GRIK3: variants seen among roughly 807,000 people sequenced by gnomAD.
The protein encoded by GRIK3 is glutamate receptor ionotropic, kainate 3.
A neutral mutation model predicts 102.5 loss-of-function variants in GRIK3; 29 were observed. The ratio of observed to expected loss-of-function variants is 0.28; its 90% CI spans 0.21 to 0.39. GRIK3 has a LOEUF of 0.39. Ranked by LOEUF, GRIK3 falls within the 10% of genes least tolerant of loss-of-function variation. The pLI, the probability that GRIK3 is intolerant of heterozygous loss-of-function variation, is 1.00. For missense variants in GRIK3, 908 were observed against 1,252.4 expected (o/e 0.73, Z 4.15); for synonymous variants, 511 against 504.9 (o/e 1.01, Z -0.16).
chr1:36,913,744 C>T (rs1044790234), intron 1 of GRIK3, among the ~76,000 whole-genome samples: 1 of 152,188 alleles, frequency 6.6e-6, no homozygotes, highest in Non-Finnish European at 1.5e-5. Flanking sequence ...CTGGGAGGAG[C>T]TCTCCCAGGC....
At chr1:37,024,546 C>T (rs1319225742) in intron 1 of GRIK3, among the ~76,000 whole-genome samples, 1 of 150,984 alleles carries the variant, frequency 6.6e-6, no homozygotes, top group African/African-American at 2.4e-5. Context: ...GGAGTTCGAC[C>T]AGCCTGGCCA....
intron 10 of GRIK3, among the ~76,000 whole-genome samples, chr1:36,834,008 A>C (rs1186930150): frequency 2.6e-5 from 4 of 152,204 alleles, no homozygotes; most frequent in African/African-American, 9.6e-5. Flanking sequence ...AGGACCTGTC[A>C]GCCCAGGCCC....
intron 7 of GRIK3, among the ~76,000 whole-genome samples, chr1:36,856,439 C>T (rs904169865): frequency 3.9e-5 from 6 of 152,230 alleles, no homozygotes; most frequent in African/African-American, 7.2e-5. Context: ...ATGCTTCACA[C>T]GCTCTGAACT....
At chr1:36,854,067 G>T (rs1437096055) in intron 7 of GRIK3, among the ~76,000 whole-genome samples, 1 of 152,202 alleles carries the variant, frequency 6.6e-6, no homozygotes, top group Non-Finnish European at 1.5e-5. Flanking sequence ...TAGGGCAGGT[G>T]AGGCCTGCCA....
intron 1 of GRIK3, among the ~76,000 whole-genome samples, chr1:36,993,870 A>G (rs1299986550): frequency 6.6e-6 from 1 of 152,244 alleles, no homozygotes; most frequent in Non-Finnish European, 1.5e-5. Context: ...AGGGCAATAC[A>G]GCTGCAGAGC....
chr1:36,910,218 C>T (rs536307658), intron 1 of GRIK3, among the ~76,000 whole-genome samples: 16 of 152,332 alleles, frequency 1.1e-4, no homozygotes, highest in East Asian at 1.9e-4. Context: ...AAGACATTCA[C>T]GCTCCCAGCA....
At chr1:36,962,746 C>T (rs1642027761) in intron 1 of GRIK3, among the ~76,000 whole-genome samples, 1 of 150,736 alleles carries the variant, frequency 6.6e-6, no homozygotes, top group Non-Finnish European at 1.5e-5. Context: ...GGATAAAGAC[C>T]AATACAAACG....
Position 36,801,071 on chromosome 1 carries a change from T to C in GRIK3, c.*780A>G, listed in dbSNP as rs1642434895. The C allele has an allele frequency of 6.6e-6, 1 of 152,244 alleles. No homozygotes were observed. Among genetic ancestry groups the C allele is most frequent in the Non-Finnish European group, 1.5e-5 (1 of 68,042 alleles). 9.4% of individuals were successfully genotyped at this position (152,244 alleles called of 1,614,324 possible). A position where few individuals can be genotyped will look rare whatever the true frequency, so the allele number is the denominator to read the frequency against. The stretch of plus-strand genomic sequence containing the variant: ...GAGAAATTCAGGGGGTCCTCTCTCC[T>C]CTGGCTAGAAAGTGGAGAAGAATTT... On this transcript the variant is annotated 3_prime_UTR_variant, in exon 16 of 16. Transcript: ENST00000373091.
At chr1:36,937,755 A>G (rs543908465) in intron 1 of GRIK3, among the ~76,000 whole-genome samples, 2 of 152,246 alleles carry the variant, frequency 1.3e-5, no homozygotes, top group African/African-American at 4.8e-5. Context: ...CTTCAGGTTT[A>G]TAATGAACAA....
rs35781786 is a variant in GRIK3 at position 36,973,586 on chromosome 1, A to ATTT, written c.115+60405_115+60407dup. On this transcript the variant is annotated intron_variant, in intron 1 of 15. Transcript: ENST00000373091. Reference sequence around the variant, plus strand: ...AGGCATGCGCCACCACGCCCGGCTAATTTTTTTTTTTTTTGTATTTTTAAT... The same window carrying ATTT: ...AGGCATGCGCCACCACGCCCGGCTAATTTTTTTTTTTTTTTTTGTATTTTTAAT... 6.3e-3 allele frequency among the ~76,000 whole-genome samples: 895 copies of ATTT among 141,618 alleles called. 8 individuals are homozygous for ATTT. The highest frequency in any genetic ancestry group is 0.022 in the African/African-American group (839 of 37,852). The allele number at this position is 141,618 out of a possible 152,430, so 92.9% of individuals were successfully genotyped here.
chr1:36,900,222 A>T (rs1470296109), intron 1 of GRIK3, among the ~76,000 whole-genome samples: 1 of 152,220 alleles, frequency 6.6e-6, no homozygotes, highest in Non-Finnish European at 1.5e-5. Context: ...CGTGGAATTA[A>T]ACTAGAAATC....
chr1:36,805,075 A>G lies in GRIK3; in HGVS notation c.2477T>C (p.Ile826Thr). 3.1e-6 allele frequency: 5 copies of G among 1,614,202 alleles called. No homozygotes were observed. The highest frequency in any genetic ancestry group is 4.2e-6 in the Non-Finnish European group (5 of 1,180,032). The change falls in exon 15 of 16, where the codon ATT becomes ACT. Residue 826 changes from isoleucine (I) to threonine (T), a missense_variant. Ile to Thr is a moderately conservative substitution (Grantham distance 89). This residue lies in a region of GRIK3 where 297 missense variants were observed against 362.7 expected (regional missense o/e 0.82). Transcript: ENST00000373091. ...LGIQKIGGIF[I>T]VLAAGLVLSV... is the part of the protein sequence containing the mutation. ...GAGGACCAGCCCGGCGGCCAGGACA[A>G]TGAAGATGCCCCCGATCTTCTGGAT...
intron 1 of GRIK3, among the ~76,000 whole-genome samples, chr1:37,003,040 T>TC (rs1642494898): frequency 3.1e-5 from 1 of 31,972 alleles, no homozygotes; most frequent in Non-Finnish European, 7.4e-5. Context: ...TTTTTTTTTG[T>TC]CCCAGAGGTA....
chr1:36,819,569 G>A lies in GRIK3; in HGVS notation c.1873+167C>T, dbSNP rs1399628224. ...TGAAGGTGGAAGTTAGGGGTCTGGG[G>A]CAAGGGCACACACCTGGGTATCTCG... is the stretch of plus-strand genomic sequence containing the variant. On this transcript the variant is annotated intron_variant, in intron 12 of 15. Transcript: ENST00000373091. The surrounding 1 kb of genome is among the most constrained non-coding windows in gnomAD (Gnocchi z 4.1). Among the ~76,000 whole-genome samples, 3 of 152,206 alleles carry A rather than the reference G, an allele frequency of 2.0e-5. No individual in the cohort carries two copies.
rs1570731268 is a variant in GRIK3 at position 36,800,638 on chromosome 1, T to C, written c.*1213A>G. 1 of 152,240 alleles carries C rather than the reference T, an allele frequency of 6.6e-6. No homozygotes were observed. Among genetic ancestry groups the C allele is most frequent in the East Asian group, 1.9e-4 (1 of 5,194 alleles). The allele number at this position is 152,240 out of a possible 1,614,324, so 9.4% of individuals were successfully genotyped here. On this transcript the variant is annotated 3_prime_UTR_variant, in exon 16 of 16. Coordinates refer to ENST00000373091, the MANE Select transcript of GRIK3 (RefSeq NM_000831.4). ...CCCTTGGGGCCTCTGCCAGCTATGATATTATGTCCCTGGAAACTTTCTTTT... is the reference window on the plus strand; with the variant it reads ...CCCTTGGGGCCTCTGCCAGCTATGACATTATGTCCCTGGAAACTTTCTTTT...
chr1:36,940,420 C>T (rs933647117), intron 1 of GRIK3, among the ~76,000 whole-genome samples: 5 of 152,230 alleles, frequency 3.3e-5, no homozygotes, highest in African/African-American at 1.2e-4. Context: ...TAGGGACAGT[C>T]CTAGTTGATA....
At position 37,032,973 on chromosome 1, in the gene GRIK3, G is replaced by A. The variant is rs150702219; in HGVS notation, c.115+1021C>T. Among the ~76,000 whole-genome samples, 308 of 152,308 alleles carry A rather than the reference G, an allele frequency of 2.0e-3. 5 individuals carry two copies. In the East Asian group the frequency reaches 0.029, roughly 14 times the overall value. On this transcript the variant is annotated intron_variant, in intron 1 of 15. Transcript: ENST00000373091. ...TGGCTCGGCGGAGTCCGGCTCGCCT[G>A]GTGCCAGGCGCTGGTGCTGGCGCCG...
chr1:36,899,871 A>C (rs1041252090), intron 1 of GRIK3, among the ~76,000 whole-genome samples: 3 of 152,224 alleles, frequency 2.0e-5, no homozygotes, highest in Non-Finnish European at 4.4e-5. Flanking sequence ...AAGACGTAAC[A>C]ATCTTTAATG....
intron 1 of GRIK3, among the ~76,000 whole-genome samples, chr1:36,987,218 T>A (rs952085690): frequency 2.6e-5 from 4 of 151,140 alleles, no homozygotes; most frequent in Non-Finnish European, 5.9e-5. Flanking sequence ...TTCGATTCCA[T>A]GTCTGCTCAG....
Sources: allele counts gnomAD v4.1 joint callset (sites outside exome capture counted in the v4.1 genomes callset), GRCh38; gene constraint gnomAD v4.1.1; regional missense constraint gnomAD v4.1.1; non-coding constraint Gnocchi (gnomAD v3.1); transcripts MANE v1.5; gene names NCBI Gene and HGNC (gene_info 2026-07-23, HGNC 2026-07-21).